DNAH11: variants seen among roughly 807,000 people sequenced by gnomAD.
DNAH11 encodes dynein axonemal heavy chain 11.
DNAH11 carries 442 observed loss-of-function variants against 526.0 expected under a neutral mutation model. That is an observed-to-expected ratio of 0.84 (90% CI 0.78 to 0.91). The LOEUF is 0.91. DNAH11 is among the 40% of genes least tolerant of loss of function. DNAH11 has a pLI of 0.00. For synonymous variants in DNAH11, 2,461 were observed against 1,935.9 expected, an observed-to-expected ratio of 1.27 and a Z score of -7.12; for missense variants, 6,989 against 5,448.7, an observed-to-expected ratio of 1.28 and a Z score of -8.90.
chr7:21,853,860 TA>T (rs771180288), intron 67 of DNAH11, among the ~76,000 whole-genome samples: 3 of 152,258 alleles, frequency 2.0e-5, no homozygotes, highest in Non-Finnish European at 4.4e-5. Context: ...GGCTTTTTAG[TA>T]AGCATAAGTT....
At chr7:21,838,356 T>C (rs995302205) in intron 65 of DNAH11, among the ~76,000 whole-genome samples, 1 of 152,194 alleles carries the variant, frequency 6.6e-6, no homozygotes, top group African/African-American at 2.4e-5. Context: ...TGATAATTGT[T>C]CCCTTTTTTT....
intron 58 of DNAH11, among the ~76,000 whole-genome samples, chr7:21,785,549 A>C (rs1788134733): frequency 6.6e-6 from 1 of 152,220 alleles, no homozygotes; most frequent in African/African-American, 2.4e-5. Flanking sequence ...GCACAGAAAA[A>C]GATTGGCAAA....
At chr7:21,613,280 T>A (rs933535926) in intron 20 of DNAH11, among the ~76,000 whole-genome samples, 1 of 152,136 alleles carries the variant, frequency 6.6e-6, no homozygotes, top group African/African-American at 2.4e-5. Flanking sequence ...AGCAATACAT[T>A]AATGTGAAAA....
At chr7:21,802,947 T>A (rs1188246899) in intron 62 of DNAH11, among the ~76,000 whole-genome samples, 1 of 149,060 alleles carries the variant, frequency 6.7e-6, no homozygotes, top group Non-Finnish European at 1.5e-5. Context: ...TATATATATA[T>A]AATATATATA....
intron 25 of DNAH11, among the ~76,000 whole-genome samples, chr7:21,626,542 T>G (rs551797249): frequency 2.6e-5 from 4 of 152,302 alleles, no homozygotes; most frequent in African/African-American, 9.6e-5. Flanking sequence ...CCATAGTGAC[T>G]ATACTAATTT....
chr7:21,720,676 C>T (rs915802465), intron 43 of DNAH11, 49 bp from the exon 44 acceptor site: 2 of 1,508,864 alleles, frequency 1.3e-6, no homozygotes, highest in African/African-American at 1.4e-5. Flanking sequence ...CTTTGAACTT[C>T]ACTATTTTAA....
rs1410584196 is a variant in DNAH11 at position 21,868,102 on chromosome 7, TTC to T, written c.11839+97_11839+98del. 4.2e-3 allele frequency: 4,189 copies of T among 999,648 alleles called. 26 individuals are homozygous for T. The East Asian group carries it at 0.063, about 15-fold the overall frequency. 61.9% of individuals were successfully genotyped at this position (999,648 alleles called of 1,614,324 possible). ...CTTTTCAGTTCACAGTGATCTTAGTTTCTTTTTTTTTTTTTTTTAATTTGTTG... is the reference window on the plus strand; with the variant it reads ...CTTTTCAGTTCACAGTGATCTTAGTTTTTTTTTTTTTTTTTTAATTTGTTG... On this transcript the variant is annotated intron_variant, in intron 72 of 81. Coordinates refer to ENST00000409508, the MANE Select transcript of DNAH11 (RefSeq NM_001277115.2).
In DNAH11 at chr7:21,885,169, T is replaced by TGTAAAAAAAAAAAA. The variant is rs367811733; in HGVS notation, c.12507+759_12507+760insGTAAAAAAAAAAAA. ...TATTTGGATCTTGTTCCAAATGAAC[T>TGTAAAAAAAAAAAA]ATAAAAAAAAAAAAAAAAACACACA... On this transcript the variant is annotated intron_variant, in intron 76 of 81. Transcript: ENST00000409508. 6.4e-4 allele frequency among the ~76,000 whole-genome samples: 57 copies of TGTAAAAAAAAAAAA among 89,416 alleles called. 11 individuals are homozygous for TGTAAAAAAAAAAAA. The highest frequency in any genetic ancestry group is 1.2e-3 in the South Asian group (3 of 2,480). The allele number at this position is 89,416 out of a possible 152,430, so 58.7% of individuals were successfully genotyped here.
chr7:21,556,707 G>C (rs1783233500), intron 2 of DNAH11, among the ~76,000 whole-genome samples: 1 of 152,216 alleles, frequency 6.6e-6, no homozygotes, highest in Non-Finnish European at 1.5e-5. Context: ...CACAGTGTCT[G>C]TTGTTCGTTT....
intron 60 of DNAH11, among the ~76,000 whole-genome samples, chr7:21,788,345 A>C (rs930949177): frequency 9.9e-5 from 15 of 152,180 alleles, no homozygotes; most frequent in Non-Finnish European, 1.8e-4. Flanking sequence ...TGTGGGGCCC[A>C]CAGGGATAGG....
At chr7:21,624,000 A>T (rs1339467785) in intron 25 of DNAH11, among the ~76,000 whole-genome samples, 1 of 151,704 alleles carries the variant, frequency 6.6e-6, no homozygotes, top group South Asian at 2.1e-4. Context: ...AAAAATAAAA[A>T]AAAAGAATCC....
intron 28 of DNAH11, among the ~76,000 whole-genome samples, chr7:21,654,888 A>G (rs894419379): frequency 1.3e-5 from 2 of 152,214 alleles, no homozygotes; most frequent in Admixed American, 6.5e-5. Context: ...TGACAAAAAC[A>G]CAGGGCAGTG....
intron 14 of DNAH11, among the ~76,000 whole-genome samples, chr7:21,598,131 A>G (rs1391092507): frequency 6.6e-6 from 1 of 152,234 alleles, no homozygotes; most frequent in Non-Finnish European, 1.5e-5. Context: ...ATATATCCAT[A>G]GTAAAGAATA....
At chr7:21,658,731 A>T in intron 29 of DNAH11, 67 bp from the exon 30 acceptor site, 1 of 1,377,772 alleles carries the variant, frequency 7.3e-7, no homozygotes, top group Non-Finnish European at 9.8e-7. Context: ...CCTTAGAGCC[A>T]GTAGGAGGAT....
intron 57 of DNAH11, among the ~76,000 whole-genome samples, chr7:21,780,266 T>G (rs7796655): frequency 2.0e-5 from 3 of 151,986 alleles, no homozygotes; most frequent in African/African-American, 7.3e-5. Flanking sequence ...AAGTATATTA[T>G]TGGGCTGAGT....
chr7:21,772,043 C>T (rs1371785432), intron 55 of DNAH11, among the ~76,000 whole-genome samples: 1 of 152,094 alleles, frequency 6.6e-6, no homozygotes, highest in Non-Finnish European at 1.5e-5. Context: ...CAGGGAAGAC[C>T]AGTCATCAAA....
At position 21,635,999 on chromosome 7, in the gene DNAH11, G is replaced by A. The variant is rs1322377546; in HGVS notation, c.4629G>A (p.Trp1543Ter). The A allele has an allele frequency of 8.1e-6, 13 of 1,613,558 alleles. No homozygotes were observed. Among genetic ancestry groups the A allele is most frequent in the African/African-American group, 4.0e-5 (3 of 74,928 alleles). ...IFTWMEVQRT[W>*]SHLESIFVCS... ...CTTGGATGGAAGTCCAGCGAACTTG[G>A]TCTCACCTGGAAAGCATTTTTGTCT... The change falls in exon 26 of 82, where the codon TGG (tryptophan) becomes TGA (stop). Residue 1543 changes from tryptophan to a stop codon, truncating the protein, a stop_gained. Transcript: ENST00000409508. LOFTEE classifies it high-confidence loss of function.
rs747186804 is a variant in DNAH11, at chr7:21,842,693, C to A, written c.10841C>A (p.Ala3614Asp). 45 of 1,613,538 alleles carry A rather than the reference C, an allele frequency of 2.8e-5. No individual in the cohort carries two copies. The highest frequency in any genetic ancestry group is 3.8e-5 in the Non-Finnish European group (45 of 1,179,760). The change falls in exon 66 of 82, where the codon GCC becomes GAC. Residue 3614 changes from alanine (A) to aspartate (D), a missense_variant. Physicochemically the swap from Ala to Asp is moderately radical, Grantham distance 126. Transcript: ENST00000409508. ...ACAGTCACAGAAGATGGTCTAGAAGCCCAGCTGCTGGCAGAGGTTGTCAGT... is the reference window on the plus strand; with the variant it reads ...ACAGTCACAGAAGATGGTCTAGAAGACCAGCTGCTGGCAGAGGTTGTCAGT... ...NFTVTEDGLE[A>D]QLLAEVVSIE...
chr7:21,684,368 C>T (rs1205365733), intron 32 of DNAH11, among the ~76,000 whole-genome samples: 1 of 152,180 alleles, frequency 6.6e-6, no homozygotes, highest in Non-Finnish European at 1.5e-5. Flanking sequence ...TTCTGAAGTA[C>T]TCTGCTAAGT....
Sources: gnomAD v4.1 joint callset for allele counts (sites outside exome capture counted in the v4.1 genomes callset) on GRCh38, gnomAD v4.1.1 for gene constraint, MANE v1.5 for transcripts, NCBI Gene and HGNC (gene_info 2026-07-23, HGNC 2026-07-21) for gene names.